The following TP53BP2 variants were observed in gnomAD, a reference collection of about 807,000 sequenced individuals.
The protein encoded by TP53BP2 is apoptosis-stimulating of p53 protein 2.
Under a neutral mutation model 126.2 loss-of-function variants are expected in TP53BP2, and 62 were observed. The ratio of observed to expected loss-of-function variants is 0.49; its 90% confidence interval spans 0.40 to 0.61. The LOEUF is 0.61. Among genes scored for constraint, TP53BP2 ranks in the 20% least tolerant of loss-of-function variants. TP53BP2 has a pLI of 0.00. For synonymous variants in TP53BP2, 485 were observed against 502.9 expected (o/e 0.96, Z 0.48); for missense variants, 1,215 against 1,402.8 (o/e 0.87, Z 2.14).
chr1:223,844,895 G>A (rs1339951884), intron 1 of TP53BP2, among the ~76,000 whole-genome samples: 2 of 152,220 alleles, frequency 1.3e-5, no homozygotes, highest in African/African-American at 4.8e-5. Context: ...GAAGAAACTC[G>A]CTACTGAAGT....
intron 4 of TP53BP2, among the ~76,000 whole-genome samples, chr1:223,809,511 G>A (rs1033775233): frequency 4.0e-5 from 6 of 150,026 alleles, no homozygotes; most frequent in Non-Finnish European, 7.4e-5. Context: ...AGGTTGCAGT[G>A]AGCCGAGATC....
chr1:223,804,182 C>A lies in TP53BP2; in HGVS notation c.641G>T (p.Gly214Val), dbSNP rs1342812215. ...TATGAGGAACAACTCACCAAGTTTC[C>A]CATTGCTTAGTCTCTTCTGTTCCAC... The part of the protein sequence containing the change: ...GHVEQKRLSN[G>V]KLVEEIEQMN... The change falls in exon 6 of 18, where the codon GGG (glycine) becomes GTG (valine). Residue 214 changes from glycine (G) to valine (V), a missense_variant. Physicochemically the swap from Gly to Val is moderately radical, Grantham distance 109. This residue lies in a region of TP53BP2 where 814 missense variants were observed against 853.0 expected (regional missense o/e 0.95). Transcript: ENST00000343537. 13 of 1,597,270 alleles carry A rather than the reference C, an allele frequency of 8.1e-6. No individual in the cohort carries two copies. The highest frequency in any genetic ancestry group is 1.1e-5 in the Non-Finnish European group (13 of 1,175,802).
chr1:223,794,289 TTA>T (rs1286652979), intron 13 of TP53BP2, among the ~76,000 whole-genome samples: 2 of 152,230 alleles, frequency 1.3e-5, no homozygotes, highest in African/African-American at 4.8e-5. Flanking sequence ...TTCTTTCATT[TTA>T]TCTCAGATGT....
At chr1:223,815,584 T>C (rs1218303038) in intron 2 of TP53BP2, among the ~76,000 whole-genome samples, 1 of 152,168 alleles carries the variant, frequency 6.6e-6, no homozygotes, top group Non-Finnish European at 1.5e-5. Flanking sequence ...CCCAGAAAGA[T>C]ATGGACTTCT....
chr1:223,823,857 T>A (rs2102875748), intron 1 of TP53BP2, among the ~76,000 whole-genome samples: 1 of 152,330 alleles, frequency 6.6e-6, no homozygotes, highest in African/African-American at 2.4e-5. Flanking sequence ...TTGAAAATAG[T>A]AACTTTTCAT....
chr1:223,807,036 CA>C, intron 4 of TP53BP2, 89 bp from the exon 5 acceptor site: 1 of 892,332 alleles, frequency 1.1e-6, no homozygotes, highest in Non-Finnish European at 1.7e-6. Flanking sequence ...GTAAAAGCTT[CA>C]TATGAACCAA....
intron 16 of TP53BP2, among the ~76,000 whole-genome samples, chr1:223,786,581 CGTGTGT>C (rs61533251): frequency 1.2e-4 from 17 of 144,500 alleles, no homozygotes; most frequent in Admixed American, 2.8e-4. Context: ...TGCGTGTGTG[CGTGTGT>C]GTGTGTGTGT....
intron 11 of TP53BP2, among the ~76,000 whole-genome samples, chr1:223,799,531 A>G (rs1662457669): frequency 6.6e-6 from 1 of 152,236 alleles, no homozygotes; most frequent in Non-Finnish European, 1.5e-5. Flanking sequence ...GAGCACTCAC[A>G]CATAACCTGG....
chr1:223,816,996 C>CA (rs1293871643), intron 2 of TP53BP2, among the ~76,000 whole-genome samples: 2 of 150,750 alleles, frequency 1.3e-5, no homozygotes, highest in Non-Finnish European at 3.0e-5. Flanking sequence ...CCCATCTTTA[C>CA]AAAAAATACA....
intron 1 of TP53BP2, among the ~76,000 whole-genome samples, chr1:223,842,310 T>C (rs1275243567): frequency 1.3e-5 from 2 of 152,216 alleles, no homozygotes; most frequent in African/African-American, 4.8e-5. Flanking sequence ...TGTCATACAG[T>C]AGCCACCAGG....
At chr1:223,817,250 G>A (rs1217050025) in intron 2 of TP53BP2, among the ~76,000 whole-genome samples, 3 of 81,858 alleles carry the variant, frequency 3.7e-5, no homozygotes, top group Non-Finnish European at 2.5e-5. Context: ...TGAGGGGGAG[G>A]GAAAGGAGGA....
chr1:223,827,266 G>GA (rs1663532522), intron 1 of TP53BP2, among the ~76,000 whole-genome samples: 1 of 152,146 alleles, frequency 6.6e-6, no homozygotes, highest in African/African-American at 2.4e-5. Context: ...GCAACCTCCA[G>GA]AGGTCCCACG....
At position 223,845,645 on chromosome 1, in the gene TP53BP2, C is replaced by G; in HGVS notation, c.27+9G>C. ...CCGGGCCCGACGCCCTGGCCGCTCG[C>G]CCACTTACCGGCATCATCTTGGACC... On this transcript the variant is annotated intron_variant, in intron 1 of 17. Transcript: ENST00000343537. The G allele has an allele frequency of 6.4e-7, 1 of 1,553,692 alleles. No homozygotes were observed. The highest frequency in any genetic ancestry group is 2.6e-5 in the East Asian group (1 of 38,806).
At chr1:223,838,107 C>T (rs1420488210) in intron 1 of TP53BP2, among the ~76,000 whole-genome samples, 1 of 152,168 alleles carries the variant, frequency 6.6e-6, no homozygotes, top group Non-Finnish European at 1.5e-5. Flanking sequence ...AAGTAGCCAT[C>T]GCAGTCACAT....
intron 5 of TP53BP2, 66 bp from the exon 6 acceptor site, chr1:223,804,414 C>G: frequency 7.1e-7 from 1 of 1,412,136 alleles, no homozygotes; most frequent in East Asian, 2.3e-5. Flanking sequence ...TCAAAATAGC[C>G]TAACTGCAAC....
chr1:223,781,635 T>A (rs951640559), intron 17 of TP53BP2, among the ~76,000 whole-genome samples: 3 of 152,104 alleles, frequency 2.0e-5, no homozygotes. Flanking sequence ...AATTAAAAAA[T>A]TTAAAAATAA....
At chr1:223,837,163 G>GGGGGGGA (rs1553264323) in intron 1 of TP53BP2, among the ~76,000 whole-genome samples, 58 of 124,900 alleles carry the variant, frequency 4.6e-4, no homozygotes, top group African/African-American at 1.4e-3. Flanking sequence ...AAAGGGGGGG[G>GGGGGGGA]GCGGGGGGTC....
chr1:223,780,753 T>C lies in TP53BP2; in HGVS notation c.*100A>G. On this transcript the variant is annotated 3_prime_UTR_variant, in exon 18 of 18. Transcript: ENST00000343537. ...TCTTCATCGCTTTCAAGCTACATTG[T>C]CATTAAAATAAGTCTTGTGAAATTT... 1 of 1,113,120 alleles carries C rather than the reference T, an allele frequency of 9.0e-7. No homozygotes were observed. 69.0% of individuals were successfully genotyped at this position (1,113,120 alleles called of 1,614,324 possible).
At chr1:223,805,635 C>A (rs1331709346) in intron 5 of TP53BP2, among the ~76,000 whole-genome samples, 1 of 152,224 alleles carries the variant, frequency 6.6e-6, no homozygotes, top group Non-Finnish European at 1.5e-5. Flanking sequence ...GCCATTATTT[C>A]AAAGCCCTAT....
Sources: gnomAD v4.1 joint callset for allele counts (sites outside exome capture counted in the v4.1 genomes callset) on GRCh38, gnomAD v4.1.1 for gene constraint, gnomAD v4.1.1 regional missense constraint, MANE v1.5 for transcripts, NCBI Gene and HGNC (gene_info 2026-07-23, HGNC 2026-07-21) for gene names.